The following NUDT12 variants were observed in gnomAD, a reference collection of about 807,000 sequenced individuals.
NUDT12 encodes the protein nudix hydrolase 12.
In NUDT12, 42 loss-of-function variants were observed where a neutral mutation model predicts 45.7. The observed-to-expected ratio is 0.92, with a 90% CI of 0.72 to 1.19. The LOEUF (loss-of-function observed/expected upper bound fraction) is 1.19, where lower values mean the gene tolerates loss of function less well. NUDT12 is among the 50% of genes most tolerant of loss of function. The pLI is 0.00. For missense variants in NUDT12, 590 were observed against 533.1 expected, an observed-to-expected ratio of 1.11 and a Z score of -1.05; for synonymous variants, 206 against 179.7, an observed-to-expected ratio of 1.15 and a Z score of -1.17.
At chr5:103,560,401 C>G (rs1450329449) in intron 1 of NUDT12, 147 bp from the exon 2 acceptor site, 3 of 614,244 alleles carry the variant, frequency 4.9e-6, no homozygotes, top group Non-Finnish European at 8.7e-6. Context: ...GCATACATTT[C>G]AATTTCAAAA....
chr5:103,560,398 T>C (rs1284905938), intron 1 of NUDT12, 144 bp from the exon 2 acceptor site: 1 of 615,690 alleles, frequency 1.6e-6, no homozygotes, highest in African/African-American at 1.8e-5. Flanking sequence ...ACAGCATACA[T>C]TTCAATTTCA....
chr5:103,559,434 T>A lies in NUDT12; in HGVS notation c.241A>T (p.Thr81Ser), dbSNP rs770663404. Residue 81 changes from threonine to serine, a missense_variant, in exon 3 of 7, where the codon ACT (threonine) becomes TCT (serine). Thr to Ser is a moderately conservative substitution (Grantham distance 58, BLOSUM62 1). Transcript: ENST00000230792. ...DRSIVNKSRQ[T>S]ALDIAVFWGY... ...CAAAATACAGCAATGTCCAGTGCAG[T>A]CTGCCTTGATTTATTGACAATTGAT... 9 of 1,563,476 alleles carry A rather than the reference T, an allele frequency of 5.8e-6. No homozygotes were observed. In the African/African-American group the frequency reaches 1.2e-4, roughly 22 times the overall value.
At chr5:103,556,792 T>A (rs1748837119) in intron 3 of NUDT12, among the ~76,000 whole-genome samples, 1 of 152,052 alleles carries the variant, frequency 6.6e-6, no homozygotes, top group Admixed American at 6.6e-5. Flanking sequence ...AGACTAGAAA[T>A]GCTATATGTT....
chr5:103,553,736 T>C (rs1165850583), intron 5 of NUDT12, among the ~76,000 whole-genome samples: 2 of 152,088 alleles, frequency 1.3e-5, no homozygotes, highest in South Asian at 2.1e-4. Flanking sequence ...ATCAGCAGAA[T>C]GGATAAATAG....
rs561877464 is a variant in NUDT12, at chr5:103,556,134, T to C, written c.797-36A>G. The C allele has an allele frequency of 5.5e-5, 81 of 1,462,616 alleles. 1 individual carries two copies. In the South Asian group the frequency reaches 1.2e-3, roughly 22 times the overall value. 90.6% of individuals were successfully genotyped at this position (1,462,616 alleles called of 1,614,324 possible). The stretch of plus-strand genomic sequence containing the variant: ...AAGAAAAGCACAAAAATTTTAATTC[T>C]GTAAGAAATTAAAATCAATATATAA... On this transcript the variant is annotated intron_variant, in intron 3 of 6. Transcript: ENST00000230792.
intron 1 of NUDT12, among the ~76,000 whole-genome samples, chr5:103,562,451 C>G (rs751146042): frequency 6.6e-6 from 1 of 152,184 alleles, no homozygotes; most frequent in South Asian, 2.1e-4. Context: ...CTAAGTAGCG[C>G]TTCCTTTTCC....
At chr5:103,559,951 TAA>T in intron 2 of NUDT12, 90 bp downstream of exon 2, 1 of 839,820 alleles carries the variant, frequency 1.2e-6, no homozygotes, top group South Asian at 1.6e-5. Context: ...TTCAACAATA[TAA>T]ATATGGAAAC....
At chr5:103,552,844 C>G (rs1036991503) in intron 5 of NUDT12, among the ~76,000 whole-genome samples, 4 of 151,986 alleles carry the variant, frequency 2.6e-5, no homozygotes, top group African/African-American at 9.7e-5. Context: ...TGTTGTCAAA[C>G]AATTATTGCA....
chr5:103,557,917 A>C (rs1405088773), intron 3 of NUDT12, among the ~76,000 whole-genome samples: 2 of 151,952 alleles, frequency 1.3e-5, no homozygotes, highest in Non-Finnish European at 2.9e-5. Flanking sequence ...CAGACATCTG[A>C]TTGTAATGTC....
In NUDT12 at chr5:103,550,155, T is replaced by A. The variant is rs1748606562; in HGVS notation, c.*706A>T. 6.6e-6 allele frequency: 1 copy of A among 152,164 alleles called. No individual in the cohort carries two copies. Among genetic ancestry groups the A allele is most frequent in the Non-Finnish European group, 1.5e-5 (1 of 68,026 alleles). 9.4% of individuals were successfully genotyped at this position (152,164 alleles called of 1,614,324 possible). A position where few individuals can be genotyped will look rare whatever the true frequency, so the allele number is the denominator to read the frequency against. The stretch of plus-strand genomic sequence containing the variant: ...GTAACATATAAGTAGATATGTTAAT[T>A]AATTTTAGGTCTAAAAGAGAGGTCC... On this transcript the variant is annotated 3_prime_UTR_variant, in exon 7 of 7. Coordinates refer to ENST00000230792, the MANE Select transcript of NUDT12 (RefSeq NM_031438.4).
chr5:103,561,898 G>A (rs1483414519), intron 1 of NUDT12, among the ~76,000 whole-genome samples: 1 of 152,142 alleles, frequency 6.6e-6, no homozygotes, highest in Non-Finnish European at 1.5e-5. Context: ...GCTATTCTGT[G>A]GAGATGGGAA....
chr5:103,554,484 A>G, intron 5 of NUDT12: 1 of 196,790 alleles, frequency 5.1e-6, no homozygotes, highest in Non-Finnish European at 1.0e-5. Context: ...ACCTGGGTCA[A>G]GAGCAACATA....
At chr5:103,551,121 G>T (rs985183533) in intron 6 of NUDT12, 150 bp from the exon 7 acceptor site, 47 of 487,172 alleles carry the variant, frequency 9.6e-5, no homozygotes, top group African/African-American at 7.1e-4. Flanking sequence ...TACATGCAAA[G>T]TTTTTTTTTT....
Position 103,559,286 on chromosome 5 carries a change from C to T in NUDT12, c.389G>A (p.Ser130Asn). 6.2e-7 allele frequency: 1 copy of T among 1,604,706 alleles called. No homozygotes were observed. Among genetic ancestry groups the T allele is most frequent in the Non-Finnish European group, 8.5e-7 (1 of 1,177,170 alleles). ...CCAGTCAGAATTATTTCTCTTTTCA[C>T]TTTTCCGGTCCAGTAGTGTTTTGCT... is the stretch of plus-strand genomic sequence containing the variant. ...YFSKTLLDRK[S>N]EKRNNSDWLL... Residue 130 changes from serine to asparagine, a missense_variant, in exon 3 of 7, where the codon AGT becomes AAT. By Grantham distance (46) the Ser-to-Asn change is conservative (BLOSUM62 1). Transcript: ENST00000230792.
At chr5:103,560,706 C>T (rs969446104) in intron 1 of NUDT12, among the ~76,000 whole-genome samples, 2 of 152,184 alleles carry the variant, frequency 1.3e-5, no homozygotes, top group South Asian at 2.1e-4. Flanking sequence ...TTCTGTAATC[C>T]ATCTAGGATC....
chr5:103,550,614 A>G lies in NUDT12; in HGVS notation c.*247T>C, dbSNP rs1476045518. The G allele has an allele frequency of 2.0e-5, 6 of 306,100 alleles. No homozygotes were observed. The highest frequency in any genetic ancestry group is 3.7e-5 in the Non-Finnish European group (6 of 163,446). The allele number at this position is 306,100 out of a possible 1,614,324, so 19.0% of individuals were successfully genotyped here. On this transcript the variant is annotated 3_prime_UTR_variant, in exon 7 of 7. Coordinates refer to ENST00000230792, the MANE Select transcript of NUDT12 (RefSeq NM_031438.4). ...GTGAGATAAAACTGTGAAGGAAGAA[A>G]AGAAACCAAGAGAGAAAAAGTTCAG...
intron 3 of NUDT12, among the ~76,000 whole-genome samples, chr5:103,557,082 TA>T (rs1337077881): frequency 6.6e-6 from 1 of 151,790 alleles, no homozygotes; most frequent in Non-Finnish European, 1.5e-5. Flanking sequence ...GAATTTTATA[TA>T]GATTATTTAA....
chr5:103,559,764 C>A (rs1748972516), intron 2 of NUDT12: 3 of 492,028 alleles, frequency 6.1e-6, no homozygotes, highest in Non-Finnish European at 7.1e-6. Flanking sequence ...ACAAGAAGTC[C>A]TTGGTAGTCA....
At chr5:103,559,784 C>A in intron 2 of NUDT12, 2 of 514,826 alleles carry the variant, frequency 3.9e-6, no homozygotes, top group South Asian at 3.0e-5. Context: ...ATAGTGAGAT[C>A]TGCATTTTCT....
Sources: allele counts gnomAD v4.1 joint callset (sites outside exome capture counted in the v4.1 genomes callset), GRCh38; gene constraint gnomAD v4.1.1; transcripts MANE v1.5; gene names NCBI Gene and HGNC (gene_info 2026-07-23, HGNC 2026-07-21).